Variants in LONRF1 observed in about 807,000 individuals in gnomAD.
LONRF1 encodes LON peptidase N-terminal domain and ring finger 1, also known as LON peptidase N-terminal domain and RING finger protein 1.
In LONRF1, 37 loss-of-function variants were observed where a neutral mutation model predicts 85.8. That is an observed-to-expected ratio of 0.43 (90% CI 0.33 to 0.57). The LOEUF (loss-of-function observed/expected upper bound fraction) is 0.57, where lower values mean the gene tolerates loss of function less well. Ranked by LOEUF, LONRF1 falls within the 20% of genes least tolerant of loss-of-function variation. The pLI is 0.04. For synonymous variants in LONRF1, 517 were observed against 390.1 expected, an observed-to-expected ratio of 1.33 and a Z score of -3.83; for missense variants, 1,036 against 978.0, an observed-to-expected ratio of 1.06 and a Z score of -0.79.
At position 12,754,749 on chromosome 8, in the gene LONRF1, C is replaced by A; in HGVS notation, c.672G>T (p.Gln224His). Reference protein sequence around the residue: ...AAGRLGELLHQGRYREALAAA... With the variant: ...AAGRLGELLHHGRYREALAAA... ...CGGCCAGGGCCTCCCGGTAGCGCCC[C>A]TGGTGCAGTAGCTCCCCGAGCCTGC... The change falls in exon 1 of 12, where the codon CAG (glutamine) becomes CAT (histidine). Residue 224 changes from glutamine (Q) to histidine (H), a missense_variant. Gln to His is a conservative substitution (Grantham distance 24, BLOSUM62 0). Transcript: ENST00000398246. 18 of 1,446,776 alleles carry A rather than the reference C, an allele frequency of 1.2e-5. No homozygotes were observed. Among genetic ancestry groups the A allele is most frequent in the Non-Finnish European group, 1.4e-5 (16 of 1,108,312 alleles). 89.6% of individuals were successfully genotyped at this position (1,446,776 alleles called of 1,614,324 possible).
intron 7 of LONRF1, among the ~76,000 whole-genome samples, chr8:12,732,970 G>T (rs934627344): frequency 2.0e-5 from 3 of 152,150 alleles, no homozygotes; most frequent in Non-Finnish European, 4.4e-5. Flanking sequence ...AAGAGTAGAT[G>T]GGGAAATGCG....
intron 11 of LONRF1, 99 bp downstream of exon 11, chr8:12,725,628 A>T (rs116905237): frequency 7.0e-5 from 88 of 1,250,544 alleles, no homozygotes; most frequent in Admixed American, 1.7e-4. Context: ...AGTCAAAGAA[A>T]AAGTAGTGCA....
rs539791067 is a variant in LONRF1 at position 12,747,538 on chromosome 8, A to C, written c.722-4256T>G. ...AAATTTAAGGTTCGAATTGACTTTT[A>C]TTTGTGATTCTAGGAATGGGCAACA... On this transcript the variant is annotated intron_variant, in intron 1 of 11. Transcript: ENST00000398246. Among the ~76,000 whole-genome samples the C allele has an allele frequency of 3.3e-5, 5 of 152,338 alleles. No homozygotes were observed. The East Asian group carries it at 9.6e-4, about 29-fold the overall frequency.
At chr8:12,751,302 T>TTTTTTTTGTTTTTG (rs1799386561) in intron 1 of LONRF1, among the ~76,000 whole-genome samples, 2 of 96,602 alleles carry the variant, frequency 2.1e-5, no homozygotes, top group African/African-American at 6.3e-5. Flanking sequence ...TTATGTTTTT[T>TTTTTTTTGTTTTTG]TTTTTTTTTT....
chr8:12,750,519 G>A (rs1399189672), intron 1 of LONRF1, among the ~76,000 whole-genome samples: 1 of 152,078 alleles, frequency 6.6e-6, no homozygotes, highest in Non-Finnish European at 1.5e-5. Flanking sequence ...ACATGAAAGT[G>A]GTCTCTCAAA....
At chr8:12,739,635 T>A (rs185340195) in intron 3 of LONRF1, among the ~76,000 whole-genome samples, 5 of 152,176 alleles carry the variant, frequency 3.3e-5, no homozygotes, top group African/African-American at 1.2e-4. Flanking sequence ...ATACCACAAC[T>A]TAGAAAAAGT....
At chr8:12,745,873 C>T (rs1157009261) in intron 1 of LONRF1, among the ~76,000 whole-genome samples, 1 of 152,142 alleles carries the variant, frequency 6.6e-6, no homozygotes, top group Admixed American at 6.5e-5. Context: ...CCCATATCTA[C>T]CAGAAGCAGG....
chr8:12,731,595 G>T, intron 8 of LONRF1, 141 bp downstream of exon 8: 1 of 642,638 alleles, frequency 1.6e-6, no homozygotes, highest in Non-Finnish European at 2.6e-6. Context: ...ATAAGATTCT[G>T]TCTGTTGAGG....
chr8:12,725,698 CT>C, intron 11 of LONRF1, 28 bp downstream of exon 11: 1 of 1,590,068 alleles, frequency 6.3e-7, no homozygotes, highest in Non-Finnish European at 8.6e-7. Flanking sequence ...AAAAAAGTGA[CT>C]TTTGGAAGAA....
In LONRF1 at chr8:12,741,017, T is replaced by G. The variant is rs973648661; in HGVS notation, c.841-21A>C. 4.3e-6 allele frequency: 7 copies of G among 1,609,612 alleles called. No homozygotes were observed. In the East Asian group the frequency reaches 1.6e-4, roughly 36 times the overall value. On this transcript the variant is annotated intron_variant, in intron 2 of 11. Coordinates refer to ENST00000398246, the MANE Select transcript of LONRF1 (RefSeq NM_152271.5). Reference sequence around the variant, plus strand: ...TAGACCTTTAATAAAAGCAGATATATAAAACCTTTGTGTTAAGAATTGCTT... The same window carrying G: ...TAGACCTTTAATAAAAGCAGATATAGAAAACCTTTGTGTTAAGAATTGCTT...
At position 12,751,003 on chromosome 8, in the gene LONRF1, A is replaced by G. The variant is rs540825295; in HGVS notation, c.721+3697T>C. Among the ~76,000 whole-genome samples, 10 of 152,310 alleles carry G rather than the reference A, an allele frequency of 6.6e-5. No individual in the cohort carries two copies. In the East Asian group the frequency reaches 1.9e-3, roughly 29 times the overall value. ...TGATTCTCACAACACCCTATGAGGT[A>G]GAGACTATTCTCATTTTTCAGATAA... On this transcript the variant is annotated intron_variant, in intron 1 of 11. Transcript: ENST00000398246.
At chr8:12,726,428 G>A (rs975007731) in intron 10 of LONRF1, among the ~76,000 whole-genome samples, 2 of 152,208 alleles carry the variant, frequency 1.3e-5, no homozygotes, top group Non-Finnish European at 2.9e-5. Context: ...AAGCCAGTAT[G>A]TCAGAGAGTC....
chr8:12,735,487 CTATT>C, intron 6 of LONRF1, 87 bp from the exon 7 acceptor site: 1 of 845,306 alleles, frequency 1.2e-6, no homozygotes, highest in Non-Finnish European at 1.9e-6. Context: ...ACACTAATCT[CTATT>C]TAAAGGAGGA....
At chr8:12,734,104 G>C (rs898510393) in intron 7 of LONRF1, among the ~76,000 whole-genome samples, 6 of 151,860 alleles carry the variant, frequency 4.0e-5, no homozygotes, top group Non-Finnish European at 7.4e-5. Flanking sequence ...ATCCTGGGGG[G>C]GTATTTAAAT....
intron 1 of LONRF1, among the ~76,000 whole-genome samples, chr8:12,751,296 G>GGTTTTTTTTTGTT (rs1365011980): frequency 1.4e-5 from 1 of 69,558 alleles, no homozygotes; most frequent in Non-Finnish European, 2.8e-5. Flanking sequence ...TTATTTTTAT[G>GGTTTTTTTTTGTT]TTTTTTTTTT....
intron 2 of LONRF1, among the ~76,000 whole-genome samples, chr8:12,741,647 G>C (rs777761256): frequency 4.7e-5 from 7 of 147,424 alleles, no homozygotes; most frequent in Non-Finnish European, 9.2e-5. Context: ...AAATTATACT[G>C]ACTAAGAATC....
At chr8:12,726,966 T>C (rs1798333324) in intron 10 of LONRF1, among the ~76,000 whole-genome samples, 1 of 152,148 alleles carries the variant, frequency 6.6e-6, no homozygotes, top group South Asian at 2.1e-4. Flanking sequence ...TGGTAAATTC[T>C]ATGTATATTT....
At chr8:12,725,382 A>C (rs1045187436) in intron 11 of LONRF1, among the ~76,000 whole-genome samples, 2 of 152,190 alleles carry the variant, frequency 1.3e-5, no homozygotes, top group Non-Finnish European at 2.9e-5. Flanking sequence ...ATGGGCTCAA[A>C]GGCATGGTTA....
At chr8:12,726,034 A>C (rs574406448) in intron 10 of LONRF1, 155 bp from the exon 11 acceptor site, 2 of 669,356 alleles carry the variant, frequency 3.0e-6, no homozygotes, top group East Asian at 5.5e-5. Flanking sequence ...GCTTTAATAC[A>C]CATTTCTGTC....
Sources: gnomAD v4.1 joint callset for allele counts (sites outside exome capture counted in the v4.1 genomes callset) on GRCh38, gnomAD v4.1.1 for gene constraint, MANE v1.5 for transcripts, NCBI Gene and HGNC (gene_info 2026-07-23, HGNC 2026-07-21) for gene names.